The following DLC1 variants were observed in gnomAD, a reference collection of about 807,000 sequenced individuals.
DLC1 encodes the protein rho GTPase-activating protein 7.
In DLC1, 54 loss-of-function variants were observed where a neutral mutation model predicts 140.3. The ratio of observed to expected loss-of-function variants is 0.38; its 90% CI spans 0.31 to 0.48. DLC1 has a LOEUF of 0.48. DLC1 is among the 20% of genes least tolerant of loss of function. The pLI, the probability that DLC1 is intolerant of heterozygous loss-of-function variation, is 0.96. For missense variants in DLC1, 2,536 were observed against 1,907.0 expected (o/e 1.33, Z -6.14); for synonymous variants, 986 against 728.1 (o/e 1.35, Z -5.70).
chr8:13,099,761 C>A lies in DLC1; in HGVS notation c.2576G>T (p.Ser859Ile). 1 of 1,614,126 alleles carries A rather than the reference C, an allele frequency of 6.2e-7. No homozygotes were observed. Among genetic ancestry groups the A allele is most frequent in the Non-Finnish European group, 8.5e-7 (1 of 1,180,044 alleles). ...ATTGCGTCTCTTCAGTTCCTTGGGG[C>A]TGTCGCTACTGTTTTCCCTCCTGAG... ...ISLRRENSSD[S>I]PKELKRRNSS... Residue 859 changes from serine (S) to isoleucine (I), a missense_variant, in exon 9 of 18, where the codon AGC becomes ATC. By Grantham distance (142) the Ser-to-Ile change is moderately radical. Coordinates refer to ENST00000276297, the MANE Select transcript of DLC1 (RefSeq NM_182643.3).
intron 1 of DLC1, chr8:13,566,697 C>T (rs1804440157): frequency 2.6e-6 from 1 of 390,032 alleles, no homozygotes; most frequent in Admixed American, 4.2e-5. Context: ...GACTTTAGCA[C>T]CAAAGAGAAG....
chr8:13,192,578 T>C lies in DLC1; in HGVS notation c.1349-76921A>G, dbSNP rs1826823711. Among the ~76,000 whole-genome samples, 5 of 152,320 alleles carry C rather than the reference T, an allele frequency of 3.3e-5. No individual in the cohort carries two copies. The Middle Eastern group carries it at 0.01, about 311-fold the overall frequency. ...AGCAACCCATCTAAGTCAGGGTCTC[T>C]AGTCTGTAATTTTCATTAATGTTTT... On this transcript the variant is annotated intron_variant, in intron 5 of 17. Transcript: ENST00000276297.
At chr8:13,477,971 G>A (rs922589663) in intron 2 of DLC1, among the ~76,000 whole-genome samples, 6 of 152,178 alleles carry the variant, frequency 3.9e-5, no homozygotes, top group Non-Finnish European at 8.8e-5. Flanking sequence ...TATTTTCAGA[G>A]AGATTTGAGA....
At chr8:13,453,404 G>GTGTATATA (rs1554523011) in intron 2 of DLC1, among the ~76,000 whole-genome samples, 1 of 22,966 alleles carries the variant, frequency 4.4e-5, no homozygotes, top group African/African-American at 2.0e-4. Flanking sequence ...ATATATATGT[G>GTGTATATA]TATATATATA....
At chr8:13,384,476 G>A (rs534937075) in intron 4 of DLC1, among the ~76,000 whole-genome samples, 4 of 152,180 alleles carry the variant, frequency 2.6e-5, no homozygotes, top group Non-Finnish European at 4.4e-5. Context: ...AATGCTAAAT[G>A]TGAAATTAAA....
intron 4 of DLC1, among the ~76,000 whole-genome samples, chr8:13,383,060 C>T (rs1411309633): frequency 6.6e-6 from 1 of 152,140 alleles, no homozygotes; most frequent in African/African-American, 2.4e-5. Flanking sequence ...CTTTGGACCA[C>T]CAAAGTATCA....
intron 1 of DLC1, among the ~76,000 whole-genome samples, chr8:13,545,092 AT>A (rs1803610135): frequency 6.6e-6 from 1 of 152,116 alleles, no homozygotes; most frequent in Non-Finnish European, 1.5e-5. Context: ...ATTTAATAAA[AT>A]TTTAAAATTA....
intron 4 of DLC1, among the ~76,000 whole-genome samples, chr8:13,343,297 A>G (rs1274360101): frequency 6.6e-6 from 1 of 152,204 alleles, no homozygotes; most frequent in Admixed American, 6.5e-5. Flanking sequence ...TTCTGAGCAG[A>G]AAGTGATGGC....
At chr8:13,538,907 A>G (rs1428412329) in intron 1 of DLC1, among the ~76,000 whole-genome samples, 1 of 152,160 alleles carries the variant, frequency 6.6e-6, no homozygotes, top group Admixed American at 6.5e-5. Flanking sequence ...CCTTTTCCCT[A>G]TAAAAGTTCA....
intron 5 of DLC1, among the ~76,000 whole-genome samples, chr8:13,219,669 C>T (rs1445836848): frequency 6.6e-6 from 1 of 151,750 alleles, no homozygotes; most frequent in Non-Finnish European, 1.5e-5. Context: ...ATATCTATAT[C>T]TCCAAGAATT....
At chr8:13,332,932 C>G (rs113680527) in intron 4 of DLC1, among the ~76,000 whole-genome samples, 5,951 of 152,114 alleles carry the variant, frequency 0.039, 189 homozygotes, top group South Asian at 0.093. Context: ...CCAAAATCTC[C>G]TGCCCAAAGG....
intron 5 of DLC1, among the ~76,000 whole-genome samples, chr8:13,180,191 A>T (rs1266725398): frequency 1.3e-5 from 2 of 152,124 alleles, no homozygotes; most frequent in East Asian, 3.9e-4. Flanking sequence ...GTGCAGTCAA[A>T]CTACTTGTTC....
intron 5 of DLC1, among the ~76,000 whole-genome samples, chr8:13,303,813 TTAAAAA>T (rs779184186): frequency 1.3e-5 from 2 of 152,032 alleles, no homozygotes; most frequent in Non-Finnish European, 2.9e-5. Context: ...AAAAAAAATA[TTAAAAA>T]TAAAAATATT....
chr8:13,104,990 G>T (rs17788913), intron 7 of DLC1, among the ~76,000 whole-genome samples: 55,280 of 152,092 alleles, frequency 0.36, 12,217 homozygotes, highest in Non-Finnish European at 0.49. Context: ...AATCCGGAAT[G>T]GTTACAGTTA....
intron 5 of DLC1, among the ~76,000 whole-genome samples, chr8:13,184,604 T>A (rs562022038): frequency 5.2e-4 from 79 of 152,302 alleles, no homozygotes; most frequent in African/African-American, 1.8e-3. Context: ...TGTAGTTGTG[T>A]GGTTTTGAGT....
chr8:13,578,315 A>G (rs1008842184), intron 1 of DLC1, among the ~76,000 whole-genome samples: 3 of 152,182 alleles, frequency 2.0e-5, no homozygotes, highest in Non-Finnish European at 4.4e-5. Context: ...ACTGACACCA[A>G]TTCTGAAGGA....
intron 2 of DLC1, among the ~76,000 whole-genome samples, chr8:13,409,204 A>T (rs1390139974): frequency 6.6e-6 from 1 of 152,148 alleles, no homozygotes; most frequent in East Asian, 1.9e-4. Context: ...GCTGCATTTT[A>T]AATATTGTAT....
intron 5 of DLC1, among the ~76,000 whole-genome samples, chr8:13,221,656 C>T (rs1264416579): frequency 6.8e-6 from 1 of 147,714 alleles, no homozygotes; most frequent in Admixed American, 6.8e-5. Flanking sequence ...CGGGTGTGAG[C>T]CACCATGCCT....
intron 7 of DLC1, among the ~76,000 whole-genome samples, chr8:13,106,971 C>T (rs1819616868): frequency 1.3e-5 from 2 of 152,194 alleles, no homozygotes; most frequent in African/African-American, 4.8e-5. Flanking sequence ...GCACATGCTT[C>T]AAGACAAAGC....
Sources: allele counts gnomAD v4.1 joint callset (sites outside exome capture counted in the v4.1 genomes callset), GRCh38; gene constraint gnomAD v4.1.1; transcripts MANE v1.5; gene names NCBI Gene and HGNC (gene_info 2026-07-23, HGNC 2026-07-21).